The following NAV3 variants were observed in gnomAD, a reference collection of about 807,000 sequenced individuals.
NAV3 encodes neuron navigator 3, also known as pore membrane and/or filament interacting like protein 1.
A neutral mutation model predicts 244.7 loss-of-function variants in NAV3; 87 were observed. The observed-to-expected ratio is 0.36, with a 90% CI of 0.30 to 0.42. The LOEUF (loss-of-function observed/expected upper bound fraction) is 0.42, where lower values mean the gene tolerates loss of function less well. Among genes scored for constraint, NAV3 ranks in the 20% least tolerant of loss-of-function variants. NAV3 has a pLI of 1.00. For missense variants in NAV3, 2,663 were observed against 2,893.3 expected, an observed-to-expected ratio of 0.92 and a Z score of 1.83; for synonymous variants, 1,126 against 1,042.2, an observed-to-expected ratio of 1.08 and a Z score of -1.55.
chr12:78,021,725 C>T (rs2136812965), intron 8 of NAV3, 22 bp from the exon 9 acceptor site: 2 of 1,543,430 alleles, frequency 1.3e-6, no homozygotes, highest in African/African-American at 1.4e-5. Context: ...CTATTTCTTT[C>T]TATTTTCATG....
At chr12:77,819,864 G>T (rs193161786) in intron 2 of NAV3, among the ~76,000 whole-genome samples, 1 of 152,240 alleles carries the variant, frequency 6.6e-6, no homozygotes, top group Non-Finnish European at 1.5e-5. Context: ...CATATGTGTG[G>T]TTCGTAAAAC....
At chr12:78,154,419 G>A (rs919243287) in intron 22 of NAV3, among the ~76,000 whole-genome samples, 3 of 145,922 alleles carry the variant, frequency 2.1e-5, no homozygotes, top group Non-Finnish European at 4.5e-5. Context: ...TCAGTGGGCT[G>A]TCTCTGTAAT....
At chr12:77,758,042 A>G (rs1179783313) in intron 2 of NAV3, among the ~76,000 whole-genome samples, 1 of 152,166 alleles carries the variant, frequency 6.6e-6, no homozygotes, top group Non-Finnish European at 1.5e-5. Context: ...TCCAAAATGC[A>G]CAAAGCACAC....
intron 12 of NAV3, among the ~76,000 whole-genome samples, chr12:78,102,938 G>A (rs1226456502): frequency 2.6e-5 from 4 of 152,092 alleles, no homozygotes; most frequent in Non-Finnish European, 4.4e-5. Context: ...TAGGCTTCTG[G>A]ATCAGTGAAG....
intron 12 of NAV3, among the ~76,000 whole-genome samples, chr12:78,064,430 C>T (rs1667077): frequency 0.47 from 42,632 of 90,954 alleles, 7,283 homozygotes; most frequent in Non-Finnish European, 0.56. Flanking sequence ...TGTCTGTCTG[C>T]CTGCCTGCCT....
At position 77,607,338 on chromosome 12, in the gene NAV3, G is replaced by T. The variant is rs1870715039; in HGVS notation, c.72+35072G>T. Among the ~76,000 whole-genome samples the T allele has an allele frequency of 2.0e-5, 3 of 152,032 alleles. No homozygotes were observed. The South Asian group carries it at 6.2e-4, about 31-fold the overall frequency. On this transcript the variant is annotated intron_variant, in intron 2 of 8. Transcript: ENST00000550042. ...CGGGCTATCCCCTTAACTCAATGAG[G>T]AATTTTAGTCTCAACAAGGGATGCA...
At chr12:78,149,445 A>G (rs1001090555) in intron 22 of NAV3, among the ~76,000 whole-genome samples, 2 of 152,122 alleles carry the variant, frequency 1.3e-5, no homozygotes, top group African/African-American at 2.4e-5. Context: ...AAAAGGGTAC[A>G]CTTTTACTGG....
intron 3 of NAV3, among the ~76,000 whole-genome samples, chr12:77,960,657 T>C (rs1195393283): frequency 6.8e-6 from 1 of 147,882 alleles, no homozygotes; most frequent in Non-Finnish European, 1.5e-5. Flanking sequence ...CATATTAGCA[T>C]TACATATACG....
intron 2 of NAV3, among the ~76,000 whole-genome samples, chr12:77,751,410 T>C (rs1868846852): frequency 6.6e-6 from 1 of 152,208 alleles, no homozygotes; most frequent in African/African-American, 2.4e-5. Flanking sequence ...TTCTCGTAAC[T>C]ACATTTGGGA....
chr12:78,059,666 G>A (rs1447133402), intron 12 of NAV3, among the ~76,000 whole-genome samples: 1 of 152,030 alleles, frequency 6.6e-6, no homozygotes, highest in Non-Finnish European at 1.5e-5. Flanking sequence ...ATAAATGTAT[G>A]GCTGGGGAGA....
intron 2 of NAV3, among the ~76,000 whole-genome samples, chr12:77,780,645 C>T (rs1298783995): frequency 3.9e-5 from 6 of 152,128 alleles, no homozygotes; most frequent in Non-Finnish European, 7.3e-5. Context: ...GGTCCCCAAC[C>T]CCCAACAGGG....
At chr12:77,609,986 T>C (rs1247685453) in intron 2 of NAV3, among the ~76,000 whole-genome samples, 1 of 152,058 alleles carries the variant, frequency 6.6e-6, no homozygotes, top group Non-Finnish European at 1.5e-5. Context: ...AAGTTCAATA[T>C]ACATTTTTGA....
intron 9 of NAV3, among the ~76,000 whole-genome samples, chr12:78,044,957 C>T (rs547654238): frequency 1.3e-5 from 2 of 152,264 alleles, no homozygotes; most frequent in East Asian, 3.9e-4. Context: ...CCAAAACTTC[C>T]AATACTATGT....
chr12:78,070,570 A>G (rs1952706108), intron 12 of NAV3, among the ~76,000 whole-genome samples: 1 of 152,050 alleles, frequency 6.6e-6, no homozygotes. Context: ...TTATTATTAT[A>G]CTTTAAGTTT....
At chr12:77,841,132 C>T (rs1875565257) in intron 1 of NAV3, among the ~76,000 whole-genome samples, 1 of 152,026 alleles carries the variant, frequency 6.6e-6, no homozygotes, top group South Asian at 2.1e-4. Flanking sequence ...ACATGGAGGA[C>T]CTCCCCTCTG....
chr12:78,110,769 A>G (rs1841219302), intron 12 of NAV3, among the ~76,000 whole-genome samples: 1 of 152,054 alleles, frequency 6.6e-6, no homozygotes, highest in Non-Finnish European at 1.5e-5. Context: ...TCTAATATTT[A>G]TATTCCATTC....
At chr12:77,979,702 A>G (rs1869186564) in intron 5 of NAV3, among the ~76,000 whole-genome samples, 1 of 138,202 alleles carries the variant, frequency 7.2e-6, no homozygotes, top group South Asian at 2.4e-4. Flanking sequence ...GTGAAACGAA[A>G]AAAAAAAAAG....
chr12:77,632,980 A>G (rs973929918), intron 2 of NAV3, among the ~76,000 whole-genome samples: 7 of 152,132 alleles, frequency 4.6e-5, no homozygotes, highest in African/African-American at 1.4e-4. Flanking sequence ...ACTGACTTGA[A>G]CAAAATTATT....
At chr12:77,574,634 A>T (rs775611657) in intron 2 of NAV3, among the ~76,000 whole-genome samples, 34 of 152,124 alleles carry the variant, frequency 2.2e-4, no homozygotes, top group Admixed American at 5.9e-4. Flanking sequence ...TCATCTTCTC[A>T]TGGTGTTTGG....
Sources: allele counts gnomAD v4.1 joint callset (sites outside exome capture counted in the v4.1 genomes callset), GRCh38; gene constraint gnomAD v4.1.1; transcripts MANE v1.5; gene names NCBI Gene and HGNC (gene_info 2026-07-23, HGNC 2026-07-21).